The following PPP2R2C variants were observed in gnomAD, a reference collection of about 807,000 sequenced individuals.
The protein encoded by PPP2R2C is protein phosphatase 2 regulatory subunit Bgamma, also known as protein phosphatase 2, regulatory subunit B, gamma.
In PPP2R2C, 10 loss-of-function variants were observed where a neutral mutation model predicts 45.3. That is an observed-to-expected ratio of 0.22 (90% CI 0.14 to 0.37). The LOEUF (loss-of-function observed/expected upper bound fraction) is 0.37, where lower values mean the gene tolerates loss of function less well. PPP2R2C is among the 10% of genes least tolerant of loss of function. PPP2R2C has a pLI of 1.00. For missense variants in PPP2R2C, 308 were observed against 619.7 expected, an observed-to-expected ratio of 0.50 and a Z score of 5.34; for synonymous variants, 257 against 245.4, an observed-to-expected ratio of 1.05 and a Z score of -0.44.
upstream of PPP2R2C, among the ~76,000 whole-genome samples, chr4:6,475,638 A>T (rs1722115449): frequency 6.6e-6 from 1 of 152,116 alleles, no homozygotes; most frequent in Admixed American, 6.5e-5. Flanking sequence ...CACCCTGTGG[A>T]CCATGCGCCT....
chr4:6,335,965 G>C (rs1441883744), intron 6 of PPP2R2C, among the ~76,000 whole-genome samples: 1 of 152,118 alleles, frequency 6.6e-6, no homozygotes, highest in Non-Finnish European at 1.5e-5. Context: ...CTGGTGAGCA[G>C]TGGCAGCCTT....
At chr4:6,385,019 G>A (rs1406189399) in intron 1 of PPP2R2C, among the ~76,000 whole-genome samples, 1 of 152,176 alleles carries the variant, frequency 6.6e-6, no homozygotes, top group African/African-American at 2.4e-5. Context: ...GAGAGGGTCT[G>A]GGAGGGAGGA....
chr4:6,494,714 C>T (rs1239028094), intron 2 of PPP2R2C, among the ~76,000 whole-genome samples: 1 of 152,186 alleles, frequency 6.6e-6, no homozygotes, highest in Non-Finnish European at 1.5e-5. Flanking sequence ...GGCAGACAGG[C>T]ATCCTGGGAC....
At chr4:6,338,132 A>G (rs926316781) in intron 6 of PPP2R2C, among the ~76,000 whole-genome samples, 1 of 151,984 alleles carries the variant, frequency 6.6e-6, no homozygotes, top group Non-Finnish European at 1.5e-5. Context: ...AGGACATTTC[A>G]CAGTAATTAT....
At position 6,563,320 on chromosome 4, in the gene PPP2R2C, G is replaced by C. The variant is rs1397088929; in HGVS notation, c.-59+240C>G. 6.6e-6 allele frequency among the ~76,000 whole-genome samples: 1 copy of C among 152,172 alleles called. No individual in the cohort carries two copies. The highest frequency in any genetic ancestry group is 6.5e-5 in the Admixed American group (1 of 15,288). On this transcript the variant is annotated intron_variant, in intron 1 of 9. Coordinates refer to the PPP2R2C transcript ENST00000506140. The surrounding 1 kb of genome is among the most constrained non-coding windows in gnomAD (Gnocchi z 5.8). ...AGAGCACGCGCTCCGGAGGGACCCC[G>C]GCACTTCGGACCCTAGCAGAGCCAG... is the stretch of plus-strand genomic sequence containing the variant.
chr4:6,446,959 G>A (rs1234790827), intron 1 of PPP2R2C, among the ~76,000 whole-genome samples: 3 of 152,078 alleles, frequency 2.0e-5, no homozygotes, highest in African/African-American at 7.2e-5. Context: ...AGGGGTGCTG[G>A]GCTGATTCAG....
chr4:6,383,388 A>G, intron 1 of PPP2R2C: 1 of 1,289,848 alleles, frequency 7.8e-7, no homozygotes, highest in East Asian at 5.6e-5. Context: ...TTTTTAACTC[A>G]GCAAAAGGTA....
intron 1 of PPP2R2C, among the ~76,000 whole-genome samples, chr4:6,409,091 G>C (rs1717989716): frequency 6.6e-6 from 1 of 152,118 alleles, no homozygotes; most frequent in South Asian, 2.1e-4. Flanking sequence ...GAAAACAGCA[G>C]TGTGTGTTCC....
chr4:6,339,495 C>T (rs895109431), intron 6 of PPP2R2C, among the ~76,000 whole-genome samples: 1 of 152,262 alleles, frequency 6.6e-6, no homozygotes, highest in African/African-American at 2.4e-5. Context: ...CCTGTGTGCC[C>T]GTGGCACTTG....
At chr4:6,427,867 C>T (rs1719411986) in intron 1 of PPP2R2C, among the ~76,000 whole-genome samples, 1 of 152,126 alleles carries the variant, frequency 6.6e-6, no homozygotes, top group African/African-American at 2.4e-5. Context: ...GCACAGCCAC[C>T]GGGCACAGGC....
Position 6,391,665 on chromosome 4 carries a change from C to A in PPP2R2C, c.71-10571G>T, listed in dbSNP as rs149464894. On this transcript the variant is annotated intron_variant, in intron 1 of 8. Coordinates refer to ENST00000382599, the MANE Select transcript of PPP2R2C (RefSeq NM_020416.4). ...CCTCCAAGTGTGGTCCCAAGACGTGCCTGTGACTGGTGGTCAGCCTGCCAG... is the reference window on the plus strand; with the variant it reads ...CCTCCAAGTGTGGTCCCAAGACGTGACTGTGACTGGTGGTCAGCCTGCCAG... Among the ~76,000 whole-genome samples, 462 of 152,338 alleles carry A rather than the reference C, an allele frequency of 3.0e-3. 5 individuals carry two copies. Among genetic ancestry groups the A allele is most frequent in the African/African-American group, 0.011 (437 of 41,586 alleles).
At chr4:6,450,337 C>T (rs748464318) in intron 1 of PPP2R2C, among the ~76,000 whole-genome samples, 2 of 152,192 alleles carry the variant, frequency 1.3e-5, no homozygotes, top group Non-Finnish European at 1.5e-5. Flanking sequence ...GCCTTCCCCT[C>T]GCTGGTCCTC....
chr4:6,330,047 G>A lies in PPP2R2C; in HGVS notation c.961-694C>T, dbSNP rs543930632. ...TCCATCCACAGCACGAGGCACTGAG[G>A]CTCACAGGGTCACACAGCCTCTAAG... On this transcript the variant is annotated intron_variant, in intron 7 of 8. Transcript: ENST00000382599. The surrounding 1 kb of genome is among the most constrained non-coding windows in gnomAD (Gnocchi z 7.0). Among the ~76,000 whole-genome samples, 1 of 152,194 alleles carries A rather than the reference G, an allele frequency of 6.6e-6. No individual in the cohort carries two copies. Among genetic ancestry groups the A allele is most frequent in the African/African-American group, 2.4e-5 (1 of 41,526 alleles).
chr4:6,323,557 G>A lies in PPP2R2C; in HGVS notation c.1089C>T (p.Arg363=), dbSNP rs575334919. The change falls in exon 9 of 9, where the codon CGC becomes CGT. Residue 363 remains arginine, a synonymous_variant. Coordinates refer to ENST00000382599, the MANE Select transcript of PPP2R2C (RefSeq NM_020416.4). ...CCCGCTTGGTGTTCCGATCGAACAT[G>A]CGGAAGAAGTTGTTGTAGGCCCCGG... ...IMTGAYNNFF[R]MFDRNTKRDV... The A allele has an allele frequency of 1.9e-6, 3 of 1,581,030 alleles. No homozygotes were observed. Among genetic ancestry groups the A allele is most frequent in the African/African-American group, 1.3e-5 (1 of 74,474 alleles).
In PPP2R2C at chr4:6,378,302, T is replaced by C. The variant is rs1204262702; in HGVS notation, c.334+105A>G. The C allele has an allele frequency of 3.2e-6, 5 of 1,570,884 alleles. No homozygotes were observed. In the Admixed American group the frequency reaches 5.4e-5, roughly 17 times the overall value. ...AAAGGATATTATTTTCTAGGCGTTC[T>C]GAAGACATAGAAAAATGCTCACAAT... is the stretch of plus-strand genomic sequence containing the variant. On this transcript the variant is annotated intron_variant, in intron 3 of 8. Coordinates refer to ENST00000382599, the MANE Select transcript of PPP2R2C (RefSeq NM_020416.4). The surrounding 1 kb of genome is among the most constrained non-coding windows in gnomAD (Gnocchi z 5.2).
chr4:6,367,140 TC>T (rs1714390319), intron 5 of PPP2R2C, among the ~76,000 whole-genome samples: 1 of 151,680 alleles, frequency 6.6e-6, no homozygotes, highest in Non-Finnish European at 1.5e-5. Context: ...ATCACCAGGC[TC>T]CCTCCCTCCA....
intron 1 of PPP2R2C, among the ~76,000 whole-genome samples, chr4:6,553,674 G>A (rs759390668): frequency 1.2e-3 from 177 of 152,186 alleles, no homozygotes; most frequent in Non-Finnish European, 1.9e-3. Flanking sequence ...TCACCTGGGG[G>A]AACGACCCAA....
chr4:6,452,209 C>T (rs1280669474), intron 1 of PPP2R2C, among the ~76,000 whole-genome samples: 2 of 152,174 alleles, frequency 1.3e-5, no homozygotes, highest in Non-Finnish European at 2.9e-5. Context: ...ACACTGCCAC[C>T]TCCTGCTAGC....
chr4:6,529,469 C>G (rs66505482), intron 2 of PPP2R2C, among the ~76,000 whole-genome samples: 19,180 of 152,268 alleles, frequency 0.13, 1,355 homozygotes, highest in African/African-American at 0.17. Context: ...CAACCATTAG[C>G]CTCCAGACAA....
Sources: allele counts gnomAD v4.1 joint callset (sites outside exome capture counted in the v4.1 genomes callset), GRCh38; gene constraint gnomAD v4.1.1; non-coding constraint Gnocchi (gnomAD v3.1); transcripts MANE v1.5; gene names NCBI Gene and HGNC (gene_info 2026-07-23, HGNC 2026-07-21).